EIF3C: variants seen among roughly 807,000 people sequenced by gnomAD.
EIF3C encodes cell migration-inducing protein 17.
EIF3C carries 2 observed loss-of-function variants against 11.1 expected under a neutral mutation model. That is an observed-to-expected ratio of 0.18 (90% CI 0.07 to 0.57). The LOEUF is 0.57. Ranked by LOEUF, EIF3C falls within the 20% of genes least tolerant of loss-of-function variation. The pLI is 0.92. For synonymous variants in EIF3C, 2 were observed against 41.5 expected, an observed-to-expected ratio of 0.05 and a Z score of 3.66; for missense variants, 16 against 114.6, an observed-to-expected ratio of 0.14 and a Z score of 3.93.
chr16:28,722,930 T>G, intron 8 of EIF3C: 1 of 740,002 alleles, frequency 1.4e-6, no homozygotes, highest in Non-Finnish European at 2.1e-6. Context: ...CGTCAAGTGA[T>G]CTACCATGCT....
At chr16:28,698,248 T>C (rs1438469198) in intron 1 of EIF3C, among the ~76,000 whole-genome samples, 17 of 77,960 alleles carry the variant, frequency 2.2e-4, no homozygotes, top group Non-Finnish European at 3.0e-4. Context: ...GCTGGCCGGG[T>C]GGGGGGGCTG....
At chr16:28,730,397 CTT>C (rs1361256348) in intron 15 of EIF3C, among the ~76,000 whole-genome samples, 1 of 142,070 alleles carries the variant, frequency 7.0e-6, no homozygotes, top group African/African-American at 2.6e-5. Context: ...TATATTGTCT[CTT>C]TTATATTATA....
rs1340438945 is a variant in EIF3C, at chr16:28,697,813, AG to A, written c.-31+8991del. On this transcript the variant is annotated intron_variant, in intron 1 of 20. Transcript: ENST00000566501. ...TCCCGGATGGGGCGGCTCGCCGGGC[AG>A]GGGGGCTGACCCCCCCCACCTCCCT... 8.5e-5 allele frequency among the ~76,000 whole-genome samples: 7 copies of A among 82,202 alleles called. 3 individuals carry two copies. The highest frequency in any genetic ancestry group is 1.7e-3 in the South Asian group (2 of 1,168). 53.9% of individuals were successfully genotyped at this position (82,202 alleles called of 152,430 possible). A position where few individuals can be genotyped will look rare whatever the true frequency, so the allele number is the denominator to read the frequency against.
rs1339662924 is a variant in EIF3C, at chr16:28,698,250, G to T, written c.-31+9422G>T. Among the ~76,000 whole-genome samples the T allele has an allele frequency of 4.9e-3, 587 of 118,970 alleles. 1 individual carries two copies. Among genetic ancestry groups the T allele is most frequent in the African/African-American group, 0.02 (550 of 27,700 alleles). The allele number at this position is 118,970 out of a possible 152,430, so 78.0% of individuals were successfully genotyped here. A position where few individuals can be genotyped will look rare whatever the true frequency, so the allele number is the denominator to read the frequency against. ...CCCGGACGGGGCGGCTGGCCGGGTG[G>T]GGGGGCTGACCCCCCCATCTCCCTC... On this transcript the variant is annotated intron_variant, in intron 1 of 20. Coordinates refer to the EIF3C transcript ENST00000566501.
rs771620161 is a variant in EIF3C, at chr16:28,700,506, G to T, written c.-30-11151G>T. The T allele has an allele frequency of 7.0e-4, 227 of 323,630 alleles. 63 individuals carry two copies. The highest frequency in any genetic ancestry group is 9.8e-4 in the Non-Finnish European group (178 of 181,840). The allele number at this position is 323,630 out of a possible 1,614,324, so 20.0% of individuals were successfully genotyped here. ...TTGAAGCCCTTTTGGAGTTCCTCAGGGGGGAACTCGTCACCTCCACGGGTT... is the reference window on the plus strand; with the variant it reads ...TTGAAGCCCTTTTGGAGTTCCTCAGTGGGGAACTCGTCACCTCCACGGGTT... On this transcript the variant is annotated intron_variant, in intron 1 of 20. Coordinates refer to the EIF3C transcript ENST00000566501.
At chr16:28,698,376 T>G (rs1596703655) in intron 1 of EIF3C, among the ~76,000 whole-genome samples, 6 of 83,986 alleles carry the variant, frequency 7.1e-5, no homozygotes, top group Admixed American at 2.1e-4. Flanking sequence ...GCTGGCCGGG[T>G]GGGGGGCTGA....
intron 15 of EIF3C, among the ~76,000 whole-genome samples, chr16:28,728,545 T>G (rs2151800149): frequency 8.4e-6 from 1 of 119,734 alleles, no homozygotes; most frequent in South Asian, 2.5e-4. Context: ...TGTGTGTGTG[T>G]GTGTTTTGAG....
intron 1 of EIF3C, among the ~76,000 whole-genome samples, chr16:28,698,289 C>G (rs1196254912): frequency 1.4e-3 from 163 of 112,924 alleles, no homozygotes; most frequent in African/African-American, 5.7e-3. Context: ...GACGGGGTGG[C>G]TGGCCAGGCT....
intron 1 of EIF3C, among the ~76,000 whole-genome samples, chr16:28,691,180 AAT>A (rs1284099497): frequency 0.018 from 729 of 40,346 alleles, 224 homozygotes; most frequent in Admixed American, 0.028. Context: ...GTCTCAAAAA[AAT>A]ATATATATAT....
Position 28,698,435 on chromosome 16 carries a change from A to AC in EIF3C, c.-31+9614dup, listed in dbSNP as rs1216282953. 1.1e-4 allele frequency among the ~76,000 whole-genome samples: 5 copies of AC among 43,520 alleles called. 2 individuals carry two copies. Among genetic ancestry groups the AC allele is most frequent in the African/African-American group, 4.7e-4 (2 of 4,292 alleles). The allele number at this position is 43,520 out of a possible 152,430, so 28.6% of individuals were successfully genotyped here. On this transcript the variant is annotated intron_variant, in intron 1 of 20. Coordinates refer to the EIF3C transcript ENST00000566501. The stretch of plus-strand genomic sequence containing the variant: ...GCATGGCTGGCCAGGCGGGGGGCTG[A>AC]CCCCCCCACCTCCCTCCCGGATGGC...
intron 1 of EIF3C, among the ~76,000 whole-genome samples, chr16:28,697,881 A>C (rs1596703126): frequency 1.5e-4 from 8 of 54,344 alleles, no homozygotes; most frequent in South Asian, 3.2e-3. Context: ...TGACCCCCCA[A>C]CCTCCCTCCC....
chr16:28,729,966 A>G (rs1465948570), intron 15 of EIF3C, among the ~76,000 whole-genome samples: 2 of 150,582 alleles, frequency 1.3e-5, no homozygotes, highest in African/African-American at 4.9e-5. Context: ...CAAAAAGAAA[A>G]GAAATACCCG....
intron 1 of EIF3C, among the ~76,000 whole-genome samples, chr16:28,704,322 CATA>C (rs369187684): frequency 0.25 from 15,195 of 61,792 alleles, 345 homozygotes; most frequent in African/African-American, 0.29. Flanking sequence ...GGATGAATCT[CATA>C]ATAAGTATTA....
chr16:28,698,029 C>T (rs1332439850), intron 1 of EIF3C, among the ~76,000 whole-genome samples: 1 of 45,592 alleles, frequency 2.2e-5, no homozygotes, highest in Non-Finnish European at 3.5e-5. Flanking sequence ...CCGGACGGGG[C>T]GGCTGGCCGG....
intron 1 of EIF3C, among the ~76,000 whole-genome samples, chr16:28,697,946 G>A (rs1332324548): frequency 2.1e-5 from 2 of 96,890 alleles, no homozygotes; most frequent in Non-Finnish European, 2.0e-5. Context: ...AGGGGCGGCC[G>A]GGCAGAGGCG....
At position 28,698,628 on chromosome 16, in the gene EIF3C, T is replaced by G. The variant is rs1346606000; in HGVS notation, c.-31+9800T>G. Among the ~76,000 whole-genome samples the G allele has an allele frequency of 2.3e-5, 2 of 87,992 alleles. 1 individual carries two copies. The highest frequency in any genetic ancestry group is 3.9e-5 in the Non-Finnish European group (2 of 50,844). 57.7% of individuals were successfully genotyped at this position (87,992 alleles called of 152,430 possible). ...GCTGCCGGGCGGAGACACTCCTCACTTCCCAGATGGGGTGGCTGCCGGGCG... is the reference window on the plus strand; with the variant it reads ...GCTGCCGGGCGGAGACACTCCTCACGTCCCAGATGGGGTGGCTGCCGGGCG... On this transcript the variant is annotated intron_variant, in intron 1 of 20. Transcript: ENST00000566501.
intron 1 of EIF3C, among the ~76,000 whole-genome samples, chr16:28,692,603 C>CA (rs1410799816): frequency 7.2e-6 from 1 of 139,278 alleles, no homozygotes; most frequent in African/African-American, 2.8e-5. Context: ...ACTAAAAATA[C>CA]AAAAAATTAG....
chr16:28,698,427 G>GA (rs2048257536), intron 1 of EIF3C, among the ~76,000 whole-genome samples: 1 of 86,820 alleles, frequency 1.2e-5, no homozygotes, highest in Non-Finnish European at 2.1e-5. Flanking sequence ...TGGCCAGGCG[G>GA]GGGGCTGACC....
chr16:28,718,784 CTAA>C (rs2048331768), intron 8 of EIF3C, among the ~76,000 whole-genome samples: 2 of 115,536 alleles, frequency 1.7e-5, no homozygotes, highest in Non-Finnish European at 3.4e-5. Context: ...CCACGCCTGG[CTAA>C]TTTTTTGTAC....
Sources: gnomAD v4.1 joint callset for allele counts (sites outside exome capture counted in the v4.1 genomes callset) on GRCh38, gnomAD v4.1.1 for gene constraint, MANE v1.5 for transcripts, NCBI Gene and HGNC (gene_info 2026-07-23, HGNC 2026-07-21) for gene names.